The following GAPVD1 variants were observed in gnomAD, a reference collection of about 807,000 sequenced individuals.
The protein encoded by GAPVD1 is GTPase activating protein and VPS9 domains 1, also known as GTPase-activating protein and VPS9 domain-containing protein 1.
In GAPVD1, 35 loss-of-function variants were observed where a neutral mutation model predicts 155.5. The observed-to-expected ratio is 0.23, with a 90% CI of 0.17 to 0.30. The LOEUF (loss-of-function observed/expected upper bound fraction) is 0.30. Among genes scored for constraint, GAPVD1 ranks in the 10% least tolerant of loss-of-function variants. The probability of loss-of-function intolerance (pLI) is 1.00; values close to 1 mark genes in which losing one functional copy is unlikely to be tolerated. For missense variants in GAPVD1, 1,429 were observed against 1,775.7 expected, an observed-to-expected ratio of 0.80 and a Z score of 3.51; for synonymous variants, 636 against 619.7, an observed-to-expected ratio of 1.03 and a Z score of -0.39.
In GAPVD1 at chr9:125,346,840, G is replaced by C. The variant is rs1848582588; in HGVS notation, c.3068G>C (p.Ser1023Thr). The change falls in exon 20 of 28, where the codon AGT becomes ACT. Residue 1023 changes from serine (S) to threonine (T), a missense_variant. Coordinates refer to ENST00000297933, the MANE Select transcript of GAPVD1 (RefSeq NM_001282680.3). ...TLTDDPSPRL[S>T]AQAQVAEDIL... ...GCAGATGATCCCAGCCCTAGACTCA[G>C]TGCACAAGCTCAGGTGGCTGAGGAT... The C allele has an allele frequency of 6.2e-7, 1 of 1,613,964 alleles. No homozygotes were observed. Among genetic ancestry groups the C allele is most frequent in the African/African-American group, 1.3e-5 (1 of 74,928 alleles).
intron 8 of GAPVD1, 122 bp from the exon 9 acceptor site, chr9:125,312,330 T>C: frequency 1.6e-6 from 1 of 624,758 alleles, no homozygotes; most frequent in Non-Finnish European, 2.7e-6. Flanking sequence ...TTATTTATAT[T>C]TTTTACCACT....
chr9:125,264,696 T>C (rs1407873371), intron 1 of GAPVD1, among the ~76,000 whole-genome samples: 3 of 152,038 alleles, frequency 2.0e-5, no homozygotes. Context: ...GTTTGCTGGT[T>C]TTCTTTAAAT....
At chr9:125,348,135 G>C (rs1288262669) in intron 20 of GAPVD1, among the ~76,000 whole-genome samples, 4 of 151,862 alleles carry the variant, frequency 2.6e-5, no homozygotes, top group Non-Finnish European at 5.9e-5. Flanking sequence ...TACTGCTGCA[G>C]CCTCAACCTT....
rs893203143 is a variant in GAPVD1, at chr9:125,302,220, C to T, written c.423C>T (p.Ile141=). ...TVFTSLYGNC[I]MQEDESYLLQ... ...TTACCTCCCTGTATGGCAATTGCAT[C>T]ATGCAAGAAGATGAAAGCTACCTCC... The change falls in exon 5 of 28, where the codon ATC becomes ATT. Residue 141 remains isoleucine, a synonymous_variant. Coordinates refer to ENST00000297933, the MANE Select transcript of GAPVD1 (RefSeq NM_001282680.3). 1.9e-6 allele frequency: 3 copies of T among 1,613,772 alleles called. No individual in the cohort carries two copies. Among genetic ancestry groups the T allele is most frequent in the Admixed American group, 3.3e-5 (2 of 59,998 alleles).
At chr9:125,293,888 A>ATTATATATATAATATATATAT (rs1259438377) in intron 2 of GAPVD1, among the ~76,000 whole-genome samples, 1 of 105,030 alleles carries the variant, frequency 9.5e-6, no homozygotes, top group Admixed American at 1.4e-4. Context: ...ATATATATAT[A>ATTATATATATAATATATATAT]TATATATATA....
intron 2 of GAPVD1, among the ~76,000 whole-genome samples, chr9:125,279,100 T>A (rs1406780404): frequency 1.3e-5 from 2 of 150,382 alleles, no homozygotes; most frequent in Non-Finnish European, 2.9e-5. Context: ...TAATCCCAGC[T>A]ACTCAAGAGG....
intron 15 of GAPVD1, among the ~76,000 whole-genome samples, chr9:125,336,442 C>T (rs1317836706): frequency 6.6e-6 from 1 of 152,074 alleles, no homozygotes; most frequent in Admixed American, 6.6e-5. Context: ...AGATTTACAG[C>T]CTTTTATTTG....
chr9:125,308,030 G>A (rs942422674), intron 8 of GAPVD1, 150 bp downstream of exon 8: 12 of 641,928 alleles, frequency 1.9e-5, no homozygotes, highest in African/African-American at 5.5e-5. Flanking sequence ...TTTAGAAATC[G>A]TATCAGATTA....
chr9:125,262,409 T>C (rs1296258154), intron 1 of GAPVD1, among the ~76,000 whole-genome samples: 1 of 152,180 alleles, frequency 6.6e-6, no homozygotes, highest in African/African-American at 2.4e-5. Context: ...GCAGCCCACC[T>C]AACACAGACA....
chr9:125,305,796 G>C (rs1302110125), intron 6 of GAPVD1, among the ~76,000 whole-genome samples: 1 of 151,964 alleles, frequency 6.6e-6, no homozygotes, highest in East Asian at 1.9e-4. Context: ...CTGGGCTATA[G>C]GGGCACACCA....
At chr9:125,274,652 G>A (rs1835472547) in intron 2 of GAPVD1, among the ~76,000 whole-genome samples, 1 of 151,856 alleles carries the variant, frequency 6.6e-6, no homozygotes, top group African/African-American at 2.4e-5. Flanking sequence ...TAGTAGAGAC[G>A]GGTTTCTCTG....
intron 19 of GAPVD1, chr9:125,346,425 C>A: frequency 9.1e-6 from 2 of 218,968 alleles, no homozygotes; most frequent in Non-Finnish European, 9.2e-6. Context: ...GTTTTTTTTC[C>A]TCCTTCAGCA....
Position 125,346,938 on chromosome 9 carries a change from A to G in GAPVD1, c.3166A>G (p.Thr1056Ala). 1.2e-6 allele frequency: 2 copies of G among 1,612,622 alleles called. No individual in the cohort carries two copies. The highest frequency in any genetic ancestry group is 1.7e-6 in the Non-Finnish European group (2 of 1,178,590). ...SDGAMANYES[T>A]EVMGDGESAH... Reference sequence around the variant, plus strand: ...TGGAGCAATGGCAAACTATGAAAGTACAGGTGATAATCATGACAGAGATTT... The same window carrying G: ...TGGAGCAATGGCAAACTATGAAAGTGCAGGTGATAATCATGACAGAGATTT... Residue 1056 changes from threonine (T) to alanine (A), a missense_variant, in exon 20 of 28, where the codon ACA becomes GCA. Thr to Ala is a moderately conservative substitution (Grantham distance 58, BLOSUM62 0). Around this residue, in one of 4 missense-constraint regions of GAPVD1, gnomAD observed 699 missense variants for 826.0 expected, o/e 0.85. Coordinates refer to ENST00000297933, the MANE Select transcript of GAPVD1 (RefSeq NM_001282680.3).
chr9:125,331,946 G>A lies in GAPVD1; in HGVS notation c.2194G>A (p.Glu732Lys), dbSNP rs777031324. The A allele has an allele frequency of 6.2e-7, 1 of 1,614,066 alleles. No individual in the cohort carries two copies. Among genetic ancestry groups the A allele is most frequent in the Non-Finnish European group, 8.5e-7 (1 of 1,179,948 alleles). The part of the protein sequence containing the change: ...SDSEAPDLKQ[E>K]ERLQELESCS... ...TTTAGAGGCCCCAGACCTAAAGCAG[G>A]AGGAGCGTCTGCAAGAACTGGAGAG... Residue 732 changes from glutamate to lysine, a missense_variant, in exon 14 of 28, where the codon GAG (glutamate) becomes AAG (lysine). Glu to Lys is a moderately conservative substitution (Grantham distance 56, BLOSUM62 1). Coordinates refer to ENST00000297933, the MANE Select transcript of GAPVD1 (RefSeq NM_001282680.3).
At chr9:125,276,432 C>T (rs540725375) in intron 2 of GAPVD1, among the ~76,000 whole-genome samples, 1 of 152,226 alleles carries the variant, frequency 6.6e-6, no homozygotes, top group East Asian at 1.9e-4. Flanking sequence ...AATGTTACAC[C>T]TGTAATCCCA....
At chr9:125,310,650 C>T (rs1842536693) in intron 8 of GAPVD1, among the ~76,000 whole-genome samples, 2 of 151,012 alleles carry the variant, frequency 1.3e-5, no homozygotes, top group African/African-American at 4.9e-5. Context: ...AGCCATTCTC[C>T]TGCCTCAGCC....
At position 125,276,683 on chromosome 9, in the gene GAPVD1, T is replaced by C. The variant is rs181507606; in HGVS notation, c.-150+7699T>C. ...TAGCCTGGAGAACAGAGTGAGACCC[T>C]GTCTCAAAACACACAAAGAAATTTC... On this transcript the variant is annotated intron_variant, in intron 2 of 27. Coordinates refer to ENST00000297933, the MANE Select transcript of GAPVD1 (RefSeq NM_001282680.3). Among the ~76,000 whole-genome samples the C allele has an allele frequency of 2.1e-4, 32 of 152,312 alleles. No individual in the cohort carries two copies. In the East Asian group the frequency reaches 6.0e-3, roughly 28 times the overall value.
In GAPVD1 at chr9:125,312,524, C is replaced by A; in HGVS notation, c.1514C>A (p.Thr505Asn). 6.2e-7 allele frequency: 1 copy of A among 1,610,362 alleles called. No individual in the cohort carries two copies. Among genetic ancestry groups the A allele is most frequent in the Non-Finnish European group, 8.5e-7 (1 of 1,177,960 alleles). The change falls in exon 9 of 28, where the codon ACC becomes AAC. Residue 505 changes from threonine (T) to asparagine (N), a missense_variant. Thr to Asn is a moderately conservative substitution (Grantham distance 65). Coordinates refer to ENST00000297933, the MANE Select transcript of GAPVD1 (RefSeq NM_001282680.3). ...GACCATGAAGGATCATCTCAAGAAACCATTCAGGAGGTGCAACCAGAAGAG... is the reference window on the plus strand; with the variant it reads ...GACCATGAAGGATCATCTCAAGAAAACATTCAGGAGGTGCAACCAGAAGAG... ...HMDHEGSSQE[T>N]IQEVQPEEVL...
chr9:125,278,621 G>A (rs1836207911), intron 2 of GAPVD1, among the ~76,000 whole-genome samples: 1 of 152,060 alleles, frequency 6.6e-6, no homozygotes. Flanking sequence ...GATTGCTTGA[G>A]CTCAGGAGTT....
Sources: allele counts gnomAD v4.1 joint callset (sites outside exome capture counted in the v4.1 genomes callset), GRCh38; gene constraint gnomAD v4.1.1; regional missense constraint gnomAD v4.1.1; transcripts MANE v1.5; gene names NCBI Gene and HGNC (gene_info 2026-07-23, HGNC 2026-07-21).